FAM210A: variants seen among roughly 807,000 people sequenced by gnomAD.
The protein encoded by FAM210A is family with sequence similarity 210 member A.
A neutral mutation model predicts 25.3 loss-of-function variants in FAM210A; 13 were observed. The ratio of observed to expected loss-of-function variants is 0.51; its 90% CI spans 0.33 to 0.82. The LOEUF (loss-of-function observed/expected upper bound fraction) is 0.82, where lower values mean the gene tolerates loss of function less well. Among genes scored for constraint, FAM210A ranks in the 40% least tolerant of loss-of-function variants. The probability of loss-of-function intolerance (pLI) is 0.02; values close to 1 mark genes in which losing one functional copy is unlikely to be tolerated. For missense variants in FAM210A, 319 were observed against 323.2 expected (o/e 0.99, Z 0.10); for synonymous variants, 125 against 118.7 (o/e 1.05, Z -0.35).
Position 13,701,413 on chromosome 18 carries a change from C to A in FAM210A, c.-28-19308G>T, listed in dbSNP as rs112126847. On this transcript the variant is annotated intron_variant, in intron 1 of 3. Transcript: ENST00000651643. ...TACATCTGACTGGGTCAGAAAGAAA[C>A]TGATAGTAAATGGTAATATTGCAGG... 7.3e-3 allele frequency among the ~76,000 whole-genome samples: 1,105 copies of A among 152,192 alleles called. 12 individuals are homozygous for A. Among genetic ancestry groups the A allele is most frequent in the African/African-American group, 0.025 (1,053 of 41,506 alleles).
intron 1 of FAM210A, among the ~76,000 whole-genome samples, chr18:13,704,255 G>C (rs763420742): frequency 1.3e-5 from 2 of 151,972 alleles, no homozygotes; most frequent in Non-Finnish European, 2.9e-5. Flanking sequence ...AGGGTGAAGG[G>C]GTTTTTTAAT....
intron 1 of FAM210A, among the ~76,000 whole-genome samples, chr18:13,709,307 G>A (rs961189989): frequency 2.6e-5 from 4 of 152,138 alleles, no homozygotes; most frequent in African/African-American, 9.7e-5. Flanking sequence ...CCCTACCCAT[G>A]ACGGCATCTC....
intron 2 of FAM210A, among the ~76,000 whole-genome samples, chr18:13,680,202 G>A (rs886277437): frequency 6.6e-6 from 1 of 152,180 alleles, no homozygotes; most frequent in African/African-American, 2.4e-5. Context: ...TAGCAGGACT[G>A]AATGCCTACA....
chr18:13,721,393 A>G (rs559899944), intron 1 of FAM210A, among the ~76,000 whole-genome samples: 1 of 152,298 alleles, frequency 6.6e-6, no homozygotes, highest in African/African-American at 2.4e-5. Flanking sequence ...AGTTTATGAT[A>G]ATCCACTGTC....
chr18:13,703,074 G>C (rs2043753314), intron 1 of FAM210A, among the ~76,000 whole-genome samples: 1 of 152,130 alleles, frequency 6.6e-6, no homozygotes, highest in Non-Finnish European at 1.5e-5. Flanking sequence ...AAAAACTTCT[G>C]TTTTCCTCAT....
intron 1 of FAM210A, among the ~76,000 whole-genome samples, chr18:13,710,086 T>C (rs1239946526): frequency 6.6e-6 from 1 of 152,222 alleles, no homozygotes; most frequent in African/African-American, 2.4e-5. Context: ...ATGTCCTCCT[T>C]GTTTGGGTAC....
At chr18:13,696,449 A>G (rs2043694597) in intron 1 of FAM210A, among the ~76,000 whole-genome samples, 1 of 152,250 alleles carries the variant, frequency 6.6e-6, no homozygotes, top group African/African-American at 2.4e-5. Context: ...TAAGCAGAAA[A>G]TATTGTAAAA....
chr18:13,685,915 CCTT>C (rs1481661361), intron 1 of FAM210A, among the ~76,000 whole-genome samples: 1 of 152,032 alleles, frequency 6.6e-6, no homozygotes, highest in Non-Finnish European at 1.5e-5. Context: ...TAAGTTACCT[CCTT>C]AAGAAACTAG....
chr18:13,706,395 T>C (rs767919596), intron 1 of FAM210A, among the ~76,000 whole-genome samples: 2 of 152,202 alleles, frequency 1.3e-5, no homozygotes, highest in South Asian at 2.1e-4. Context: ...GGTATACTTT[T>C]ATTTGAAAAT....
intron 2 of FAM210A, among the ~76,000 whole-genome samples, chr18:13,678,398 G>A (rs1363100581): frequency 6.6e-6 from 1 of 151,808 alleles, no homozygotes; most frequent in Non-Finnish European, 1.5e-5. Context: ...AGCCTCCCAA[G>A]TAGCTGGGAT....
chr18:13,725,475 T>C (rs1249284204), intron 1 of FAM210A, among the ~76,000 whole-genome samples: 4 of 152,170 alleles, frequency 2.6e-5, no homozygotes, highest in African/African-American at 9.7e-5. Context: ...GGTCTATTCA[T>C]TAATATACCT....
rs995365292 is a variant in FAM210A at position 13,697,951 on chromosome 18, G to A, written c.-28-15846C>T. ...AAATGCATATTGCCAAGTCAAAGAA[G>A]CCAGCTTAAAAAGGTTATTCTGGGA... On this transcript the variant is annotated intron_variant, in intron 1 of 3. Transcript: ENST00000651643. Among the ~76,000 whole-genome samples the A allele has an allele frequency of 5.9e-5, 9 of 152,152 alleles. 1 individual carries two copies. Among genetic ancestry groups the A allele is most frequent in the Non-Finnish European group, 1.0e-4 (7 of 68,030 alleles).
intron 1 of FAM210A, among the ~76,000 whole-genome samples, chr18:13,693,897 GAAAT>G (rs544251055): frequency 1.9e-3 from 297 of 152,326 alleles, no homozygotes; most frequent in African/African-American, 6.7e-3. Context: ...TCAGGCAAGA[GAAAT>G]AAATAAAGGG....
intron 1 of FAM210A, among the ~76,000 whole-genome samples, chr18:13,719,630 G>C (rs1419834998): frequency 6.6e-6 from 1 of 151,812 alleles, no homozygotes; most frequent in African/African-American, 2.4e-5. Context: ...CTGCTACTAT[G>C]GTTAATTCTC....
intron 1 of FAM210A, among the ~76,000 whole-genome samples, chr18:13,703,933 T>C (rs1293802540): frequency 6.6e-6 from 1 of 152,230 alleles, no homozygotes; most frequent in Non-Finnish European, 1.5e-5. Context: ...CATAAACCAC[T>C]TCTTTGACTT....
At chr18:13,714,599 G>T (rs1172182099) in intron 1 of FAM210A, among the ~76,000 whole-genome samples, 5 of 152,184 alleles carry the variant, frequency 3.3e-5, no homozygotes. Flanking sequence ...TTACTTTATA[G>T]AGAAATCTGC....
rs768583559 is a variant in FAM210A, at chr18:13,681,813, G to A, written c.265C>T (p.His89Tyr). 4 of 1,614,184 alleles carry A rather than the reference G, an allele frequency of 2.5e-6. No homozygotes were observed. Among genetic ancestry groups the A allele is most frequent in the Non-Finnish European group, 3.4e-6 (4 of 1,180,036 alleles). Residue 89 changes from histidine to tyrosine, a missense_variant, in exon 2 of 4, where the codon CAT (histidine) becomes TAT (tyrosine). His to Tyr is a moderately conservative substitution (Grantham distance 83, BLOSUM62 2). Coordinates refer to ENST00000651643, the MANE Select transcript of FAM210A (RefSeq NM_152352.4). Reference sequence around the variant, plus strand: ...GAAAAAACCCTCCTGAATGAAACATGTTGCTTCCCTTGCTTATGGCGAAGG... The same window carrying A: ...GAAAAAACCCTCCTGAATGAAACATATTGCTTCCCTTGCTTATGGCGAAGG... ...GVLRHKQGKQ[H>Y]VSFRRVFSSS...
chr18:13,703,145 T>C (rs1245685267), intron 1 of FAM210A, among the ~76,000 whole-genome samples: 1 of 152,242 alleles, frequency 6.6e-6, no homozygotes, highest in Non-Finnish European at 1.5e-5. Flanking sequence ...TGTACTGTTT[T>C]GCATTGCAAT....
chr18:13,677,427 G>C lies in FAM210A; in HGVS notation c.473+4178C>G, dbSNP rs1368955142. Among the ~76,000 whole-genome samples, 6 of 150,364 alleles carry C rather than the reference G, an allele frequency of 4.0e-5. No individual in the cohort carries two copies. The East Asian group carries it at 9.6e-4, about 24-fold the overall frequency. ...AAGGGGGTCCGCGTGAGAGGGTCGT[G>C]ATCGACTGAGTAAGCAGGGGGTACG... On this transcript the variant is annotated intron_variant, in intron 2 of 3. Transcript: ENST00000651643.
Sources: gnomAD v4.1 joint callset for allele counts (sites outside exome capture counted in the v4.1 genomes callset) on GRCh38, gnomAD v4.1.1 for gene constraint, MANE v1.5 for transcripts, NCBI Gene and HGNC (gene_info 2026-07-23, HGNC 2026-07-21) for gene names.